The following ORC2 variants were observed in gnomAD, a reference collection of about 807,000 sequenced individuals.
ORC2 encodes origin recognition complex protein 2 homolog.
A neutral mutation model predicts 77.7 loss-of-function variants in ORC2; 37 were observed. The observed-to-expected ratio is 0.48, with a 90% CI of 0.37 to 0.63. ORC2 has a LOEUF of 0.63. ORC2 is among the 20% of genes least tolerant of loss of function. The pLI is 0.00. For missense variants in ORC2, 557 were observed against 661.9 expected (o/e 0.84, Z 1.74); for synonymous variants, 201 against 229.5 (o/e 0.88, Z 1.12).
intron 4 of ORC2, among the ~76,000 whole-genome samples, chr2:200,954,468 T>C (rs2041427625): frequency 6.6e-6 from 1 of 152,240 alleles, no homozygotes; most frequent in Non-Finnish European, 1.5e-5. Flanking sequence ...GTATATATGA[T>C]ACATTATTAA....
At chr2:200,919,803 A>G (rs769634977) in intron 15 of ORC2, among the ~76,000 whole-genome samples, 2 of 152,234 alleles carry the variant, frequency 1.3e-5, no homozygotes, top group Non-Finnish European at 2.9e-5. Context: ...TGGAGCTGGC[A>G]TATCTGGATC....
intron 11 of ORC2, among the ~76,000 whole-genome samples, chr2:200,928,674 C>A (rs1046251754): frequency 6.6e-6 from 1 of 151,636 alleles, no homozygotes; most frequent in East Asian, 2.0e-4. Flanking sequence ...ATTAGCTGGG[C>A]GTGGTGGCAG....
rs16836205 is a variant in ORC2, at chr2:200,957,740, G to A, written c.95-196C>T. Among the ~76,000 whole-genome samples the A allele has an allele frequency of 8.2e-3, 1,238 of 150,814 alleles. 21 individuals carry two copies. The highest frequency in any genetic ancestry group is 0.028 in the African/African-American group (1,136 of 41,226). On this transcript the variant is annotated intron_variant, in intron 3 of 17. Transcript: ENST00000234296. ...TAAAAAAAAAAACACACACAATCTT[G>A]AAAGTATATATTTTTAGGGTTCAAA...
At chr2:200,963,313 G>A (rs542403803) in intron 1 of ORC2, 177 bp downstream of exon 1, 5 of 396,802 alleles carry the variant, frequency 1.3e-5, no homozygotes, top group East Asian at 7.1e-5. Flanking sequence ...GGCAGCCTGC[G>A]GGGGGCAGCG....
At chr2:200,951,510 T>G (rs2041356117) in intron 4 of ORC2, among the ~76,000 whole-genome samples, 1 of 152,240 alleles carries the variant, frequency 6.6e-6, no homozygotes, top group South Asian at 2.1e-4. Flanking sequence ...CTGCTCCACA[T>G]CCTAATCAGT....
intron 4 of ORC2, among the ~76,000 whole-genome samples, chr2:200,953,278 T>C (rs1044652030): frequency 1.3e-4 from 20 of 152,080 alleles, no homozygotes; most frequent in African/African-American, 4.3e-4. Context: ...CCACACATTA[T>C]TTATATATTA....
In ORC2 at chr2:200,910,374, A is replaced by G. The variant is rs1443945684; in HGVS notation, c.*927T>C. 6.6e-6 allele frequency: 1 copy of G among 152,218 alleles called. No homozygotes were observed. Among genetic ancestry groups the G allele is most frequent in the Non-Finnish European group, 1.5e-5 (1 of 68,038 alleles). 9.4% of individuals were successfully genotyped at this position (152,218 alleles called of 1,614,324 possible). On this transcript the variant is annotated 3_prime_UTR_variant, in exon 18 of 18. Coordinates refer to ENST00000234296, the MANE Select transcript of ORC2 (RefSeq NM_006190.5). ...TAAGGAAAAAACTGAAATATCTTAC[A>G]GTGAGTTTTAGGTCTACTTGACAGA...
intron 5 of ORC2, among the ~76,000 whole-genome samples, chr2:200,948,119 T>C (rs2041285273): frequency 6.6e-6 from 1 of 151,950 alleles, no homozygotes; most frequent in African/African-American, 2.4e-5. Flanking sequence ...TTCACTGTGT[T>C]AGCCAGGATG....
chr2:200,945,205 A>G (rs1045883181), intron 5 of ORC2, among the ~76,000 whole-genome samples: 4 of 152,048 alleles, frequency 2.6e-5, no homozygotes, highest in Non-Finnish European at 4.4e-5. Context: ...CTCCTATGTC[A>G]TATTTGTTTT....
At chr2:200,951,989 C>G (rs2041365334) in intron 4 of ORC2, among the ~76,000 whole-genome samples, 1 of 151,908 alleles carries the variant, frequency 6.6e-6, no homozygotes, top group South Asian at 2.1e-4. Flanking sequence ...TTACAATTTG[C>G]TTTTCATGTT....
At chr2:200,914,620 A>T (rs536807827) in intron 15 of ORC2, among the ~76,000 whole-genome samples, 1 of 152,240 alleles carries the variant, frequency 6.6e-6, no homozygotes, top group South Asian at 2.1e-4. Context: ...CTCTATAAAA[A>T]ATTAAAAAAT....
At chr2:200,925,346 A>C (rs2040824071) in intron 13 of ORC2, among the ~76,000 whole-genome samples, 1 of 152,120 alleles carries the variant, frequency 6.6e-6, no homozygotes, top group Non-Finnish European at 1.5e-5. Context: ...AAACTTAAGA[A>C]AGTGGGACTA....
rs141933444 is a variant in ORC2, at chr2:200,935,804, G to A, written c.603C>T (p.Asp201=). 7.6e-5 allele frequency: 123 copies of A among 1,613,874 alleles called. No individual in the cohort carries two copies. Among genetic ancestry groups the A allele is most frequent in the Non-Finnish European group, 1.0e-4 (118 of 1,179,940 alleles). Reference sequence around the variant, plus strand: ...TTTGGCTGAATATGACTGCATTAGTGTCCTCTTCATGTTCCTGTGCAACCC... The same window carrying A: ...TTTGGCTGAATATGACTGCATTAGTATCCTCTTCATGTTCCTGTGCAACCC... ...DEGVAQEHEE[D]TNAVIFSQKI... Residue 201 remains aspartate, a synonymous_variant, in exon 9 of 18, where the codon GAC becomes GAT. Transcript: ENST00000234296.
intron 5 of ORC2, among the ~76,000 whole-genome samples, chr2:200,946,024 G>C (rs972318022): frequency 1.3e-5 from 2 of 151,408 alleles, no homozygotes; most frequent in African/African-American, 4.9e-5. Context: ...TTCTACTTTT[G>C]CTCTTTTGTT....
intron 5 of ORC2, among the ~76,000 whole-genome samples, chr2:200,944,602 G>T (rs140688617): frequency 2.6e-5 from 4 of 152,156 alleles, no homozygotes; most frequent in Non-Finnish European, 5.9e-5. Context: ...GTACACTGGC[G>T]TGATCATGGC....
In ORC2 at chr2:200,909,485, C is replaced by T. The variant is rs539585208; in HGVS notation, c.*1816G>A. Reference sequence around the variant, plus strand: ...ACTTTGGGAGGCCGAGGCAGGATCACTTGAGGTCAGGAATTCGAGACCAGC... The same window carrying T: ...ACTTTGGGAGGCCGAGGCAGGATCATTTGAGGTCAGGAATTCGAGACCAGC... On this transcript the variant is annotated 3_prime_UTR_variant, in exon 18 of 18. Transcript: ENST00000234296. 1 of 152,184 alleles carries T rather than the reference C, an allele frequency of 6.6e-6. No homozygotes were observed. The highest frequency in any genetic ancestry group is 2.1e-4 in the South Asian group (1 of 4,826). The allele number at this position is 152,184 out of a possible 1,614,324, so 9.4% of individuals were successfully genotyped here.
chr2:200,948,481 A>C (rs1246146000), intron 5 of ORC2, among the ~76,000 whole-genome samples: 1 of 152,204 alleles, frequency 6.6e-6, no homozygotes, highest in Non-Finnish European at 1.5e-5. Flanking sequence ...ATGTTAGAAG[A>C]CCATTACTAA....
chr2:200,930,090 C>G (rs1218348258), intron 11 of ORC2, among the ~76,000 whole-genome samples: 1 of 151,526 alleles, frequency 6.6e-6, no homozygotes, highest in African/African-American at 2.4e-5. Context: ...ATGAGACCAC[C>G]CAGAACACCA....
chr2:200,929,257 G>A (rs886221385), intron 11 of ORC2, among the ~76,000 whole-genome samples: 1 of 152,152 alleles, frequency 6.6e-6, no homozygotes, highest in Non-Finnish European at 1.5e-5. Flanking sequence ...AGCCAAGAAT[G>A]AGCATTTAAA....
Sources: allele counts gnomAD v4.1 joint callset (sites outside exome capture counted in the v4.1 genomes callset), GRCh38; gene constraint gnomAD v4.1.1; transcripts MANE v1.5; gene names NCBI Gene and HGNC (gene_info 2026-07-23, HGNC 2026-07-21).